IGFL2: variants seen among roughly 807,000 people sequenced by gnomAD.
IGFL2 encodes the protein insulin growth factor-like family member 2.
IGFL2 carries 7 observed loss-of-function variants against 13.9 expected under a neutral mutation model. The observed-to-expected ratio is 0.51, with a 90% confidence interval of 0.29 to 0.95. The LOEUF is 0.95. IGFL2 is among the 40% of genes least tolerant of loss of function. The pLI, the probability that IGFL2 is intolerant of heterozygous loss-of-function variation, is 0.08. For synonymous variants in IGFL2, 55 were observed against 55.8 expected (o/e 0.99, Z 0.07); for missense variants, 138 against 147.8 (o/e 0.93, Z 0.34).
chr19:46,126,293 C>T, the IGFL2 span, among the ~76,000 whole-genome samples: 1 of 152,202 alleles, frequency 6.6e-6, no homozygotes, highest in Non-Finnish European at 1.5e-5. Context: ...AGATTGGTTC[C>T]TGTGCTTTCT....
the IGFL2 span, among the ~76,000 whole-genome samples, chr19:46,102,455 G>T: frequency 1.3e-5 from 2 of 152,172 alleles, no homozygotes; most frequent in Non-Finnish European, 2.9e-5. Context: ...GTGTGGGGGA[G>T]AATATTACAA....
At chr19:46,117,644 A>G in the IGFL2 span, among the ~76,000 whole-genome samples, 742 of 152,128 alleles carry the variant, frequency 4.9e-3, 6 homozygotes, top group African/African-American at 0.017. Flanking sequence ...AAGCCTGGCT[A>G]ATTTTTTTGT....
chr19:46,112,987 G>A, the IGFL2 span: 2 of 152,146 alleles, frequency 1.3e-5, no homozygotes, highest in Non-Finnish European at 2.9e-5. Flanking sequence ...AATTTTCTTG[G>A]AGAAAAGAAA....
the IGFL2 span, among the ~76,000 whole-genome samples, chr19:46,187,050 G>A: frequency 1.7e-4 from 26 of 152,382 alleles, no homozygotes; most frequent in East Asian, 4.6e-3. Context: ...TTGCTTATAG[G>A]GAGACCAGAC....
chr19:46,193,952 G>A, the IGFL2 span, among the ~76,000 whole-genome samples: 1 of 152,192 alleles, frequency 6.6e-6, no homozygotes, highest in Non-Finnish European at 1.5e-5. Flanking sequence ...AAAGGTGCAT[G>A]ATGAGTGGCC....
the IGFL2 span, chr19:46,123,959 A>G: frequency 6.2e-7 from 1 of 1,611,536 alleles, no homozygotes; most frequent in South Asian, 1.1e-5. Flanking sequence ...TTCACAAGAA[A>G]CTTCTGCTGG....
At chr19:46,153,003 C>T (rs1369182544) in intron 1 of IGFL2, among the ~76,000 whole-genome samples, 1 of 152,218 alleles carries the variant, frequency 6.6e-6, no homozygotes, top group African/African-American at 2.4e-5. Flanking sequence ...ACCAACTTTG[C>T]ATCCGTGGGA....
the IGFL2 span, chr19:46,113,949 G>C: frequency 1.3e-5 from 2 of 152,758 alleles, no homozygotes; most frequent in Non-Finnish European, 2.9e-5. Context: ...ACAATGGCCA[G>C]ACCACATATA....
intron 1 of IGFL2, among the ~76,000 whole-genome samples, chr19:46,154,918 G>A (rs1288265727): frequency 6.6e-6 from 1 of 152,124 alleles, no homozygotes; most frequent in Non-Finnish European, 1.5e-5. Context: ...TGTTCTGATG[G>A]CCTCCCTCTC....
the IGFL2 span, among the ~76,000 whole-genome samples, chr19:46,094,063 G>T: frequency 2.0e-5 from 3 of 148,352 alleles, no homozygotes; most frequent in East Asian, 2.0e-4. Context: ...TTTGCCAGGG[G>T]TAGGGGGTCA....
At chr19:46,147,595 C>T (rs551131380), upstream of IGFL2, among the ~76,000 whole-genome samples, 18 of 152,236 alleles carry the variant, frequency 1.2e-4, no homozygotes, top group South Asian at 3.5e-3. Flanking sequence ...AACCAATAGG[C>T]GACGTCTGGG....
chr19:46,153,838 TA>T (rs1385467961), intron 1 of IGFL2, among the ~76,000 whole-genome samples: 3,144 of 135,402 alleles, frequency 0.023, 88 homozygotes, highest in African/African-American at 0.073. Context: ...TATATATATA[TA>T]TTTTTTTTAC....
upstream of IGFL2, among the ~76,000 whole-genome samples, chr19:46,147,067 G>A (rs2041990): frequency 0.42 from 63,316 of 152,046 alleles, 15,463 homozygotes; most frequent in Non-Finnish European, 0.56. Context: ...ACAACAAAAA[G>A]GGGCTGCCTT....
At chr19:46,198,739 C>T in the IGFL2 span, among the ~76,000 whole-genome samples, 66 of 152,228 alleles carry the variant, frequency 4.3e-4, no homozygotes, top group African/African-American at 1.6e-3. Context: ...TAACTATGCT[C>T]GGAGAAAATG....
At chr19:46,131,124 T>C in the IGFL2 span, among the ~76,000 whole-genome samples, 1 of 152,242 alleles carries the variant, frequency 6.6e-6, no homozygotes, top group Non-Finnish European at 1.5e-5. Context: ...TTCTTGCTAA[T>C]GAATGTCCTA....
the IGFL2 span, among the ~76,000 whole-genome samples, chr19:46,183,379 C>T: frequency 6.6e-6 from 1 of 152,000 alleles, no homozygotes; most frequent in African/African-American, 2.4e-5. Flanking sequence ...CATTCTCTCT[C>T]CCTCTTTCTC....
chr19:46,145,495 C>T (rs1332822555), upstream of IGFL2, among the ~76,000 whole-genome samples: 1 of 152,042 alleles, frequency 6.6e-6, no homozygotes, highest in Non-Finnish European at 1.5e-5. Flanking sequence ...GATTAAAGCC[C>T]TCCTTCCAGT....
chr19:46,080,736 A>G, the IGFL2 span, among the ~76,000 whole-genome samples: 4 of 152,208 alleles, frequency 2.6e-5, no homozygotes, highest in African/African-American at 7.2e-5. Flanking sequence ...AGAGTCAGAC[A>G]GTGTTGACTA....
At chr19:46,172,743 G>A in the IGFL2 span, among the ~76,000 whole-genome samples, 2 of 152,082 alleles carry the variant, frequency 1.3e-5, no homozygotes, top group Admixed American at 1.3e-4. Context: ...TTTCAGACAA[G>A]GTCTCGCTCT....
Sources: gnomAD v4.1 joint callset for allele counts (sites outside exome capture counted in the v4.1 genomes callset) on GRCh38, gnomAD v4.1.1 for gene constraint, MANE v1.5 for transcripts, NCBI Gene and HGNC (gene_info 2026-07-23, HGNC 2026-07-21) for gene names.